Variants in PPM1L observed in about 807,000 individuals in gnomAD.
The protein encoded by PPM1L is protein phosphatase, Mg2+/Mn2+ dependent 1L, also known as protein phosphatase 1L.
Under a neutral mutation model 31.4 loss-of-function variants are expected in PPM1L, and 13 were observed. The observed-to-expected ratio is 0.41, with a 90% CI of 0.27 to 0.66. The LOEUF (loss-of-function observed/expected upper bound fraction) is 0.66. PPM1L is among the 30% of genes least tolerant of loss of function. The probability of loss-of-function intolerance (pLI) is 0.29; values close to 1 mark genes in which losing one functional copy is unlikely to be tolerated. For synonymous variants in PPM1L, 184 were observed against 175.4 expected (o/e 1.05, Z -0.39); for missense variants, 326 against 453.7 (o/e 0.72, Z 2.56).
At chr3:160,877,450 G>A (rs995325291) in intron 1 of PPM1L, among the ~76,000 whole-genome samples, 4 of 152,136 alleles carry the variant, frequency 2.6e-5, no homozygotes, top group Non-Finnish European at 5.9e-5. Context: ...GTTATGCCCA[G>A]CTCATAGAAA....
At position 161,057,887 on chromosome 3, in the gene PPM1L, A is replaced by T. The variant is rs1719458475; in HGVS notation, c.575-7516A>T. 2.0e-5 allele frequency among the ~76,000 whole-genome samples: 3 copies of T among 151,800 alleles called. No homozygotes were observed. The South Asian group carries it at 6.3e-4, about 32-fold the overall frequency. The stretch of plus-strand genomic sequence containing the variant: ...GTTTTAGAACCCAGGTTCCCATCAA[A>T]AGTAGCAGGGTAAATAGCTACTCCA... On this transcript the variant is annotated intron_variant, in intron 2 of 3. Transcript: ENST00000498165.
intron 1 of PPM1L, among the ~76,000 whole-genome samples, chr3:160,847,835 A>G (rs559582693): frequency 7.2e-5 from 11 of 152,274 alleles, no homozygotes; most frequent in South Asian, 2.1e-4. Context: ...CTTGCCTGGA[A>G]CACCACCATG....
intron 1 of PPM1L, among the ~76,000 whole-genome samples, chr3:160,799,020 A>C (rs1712345032): frequency 6.6e-6 from 1 of 152,208 alleles, no homozygotes; most frequent in Admixed American, 6.5e-5. Context: ...GTGGAGCCTG[A>C]ATTTCTGTAG....
At chr3:160,806,675 C>T (rs938315317) in intron 1 of PPM1L, among the ~76,000 whole-genome samples, 3 of 151,750 alleles carry the variant, frequency 2.0e-5, no homozygotes, top group Admixed American at 6.6e-5. Flanking sequence ...AGAGGCTGAG[C>T]GGGGAGGATT....
chr3:160,912,346 T>G (rs1714005714), intron 1 of PPM1L, among the ~76,000 whole-genome samples: 1 of 152,210 alleles, frequency 6.6e-6, no homozygotes, highest in Admixed American at 6.5e-5. Context: ...CTGTTGGTGT[T>G]GCATTTACAA....
chr3:160,873,540 AATTATT>A (rs60234661), intron 1 of PPM1L, among the ~76,000 whole-genome samples: 5 of 150,738 alleles, frequency 3.3e-5, no homozygotes, highest in South Asian at 2.1e-4. Context: ...GCTCTAGTAG[AATTATT>A]ATTATTATTA....
intron 1 of PPM1L, among the ~76,000 whole-genome samples, chr3:160,934,084 T>C (rs572887040): frequency 6.6e-6 from 1 of 152,348 alleles, no homozygotes; most frequent in African/African-American, 2.4e-5. Context: ...AGTTGACAAG[T>C]TGAAGATATG....
chr3:161,005,756 C>G (rs533603499), intron 2 of PPM1L, among the ~76,000 whole-genome samples: 2 of 152,198 alleles, frequency 1.3e-5, no homozygotes, highest in East Asian at 3.9e-4. Flanking sequence ...AGCTATTATT[C>G]TTTAGACTGG....
intron 2 of PPM1L, among the ~76,000 whole-genome samples, chr3:161,058,409 G>A (rs556812073): frequency 6.6e-6 from 1 of 152,092 alleles, no homozygotes; most frequent in African/African-American, 2.4e-5. Context: ...ACAGGCATGA[G>A]CCACCACACC....
At chr3:160,896,175 T>C (rs551577110) in intron 1 of PPM1L, among the ~76,000 whole-genome samples, 99 of 152,162 alleles carry the variant, frequency 6.5e-4, no homozygotes, top group Non-Finnish European at 7.5e-4. Context: ...TTCTTCCTTA[T>C]AATTTTACTT....
chr3:160,986,722 G>A (rs922922655), intron 2 of PPM1L, among the ~76,000 whole-genome samples: 3 of 152,136 alleles, frequency 2.0e-5, no homozygotes, highest in African/African-American at 7.2e-5. Context: ...GCATGGTTGA[G>A]CAAAACTTGG....
chr3:160,994,414 C>G (rs1717237231), intron 2 of PPM1L, among the ~76,000 whole-genome samples: 1 of 152,154 alleles, frequency 6.6e-6, no homozygotes, highest in South Asian at 2.1e-4. Context: ...AGCACCATTT[C>G]CCCAGTGATC....
chr3:160,853,402 A>G (rs917853936), intron 1 of PPM1L, among the ~76,000 whole-genome samples: 1 of 152,012 alleles, frequency 6.6e-6, no homozygotes, highest in African/African-American at 2.4e-5. Flanking sequence ...CTAAAATCCC[A>G]TGTAGATCTA....
intron 1 of PPM1L, among the ~76,000 whole-genome samples, chr3:160,858,155 G>A (rs1183476871): frequency 6.6e-6 from 1 of 152,140 alleles, no homozygotes; most frequent in Non-Finnish European, 1.5e-5. Flanking sequence ...ATGGAATCAG[G>A]CATATCTTTT....
intron 2 of PPM1L, among the ~76,000 whole-genome samples, chr3:160,975,562 G>A (rs1003922282): frequency 2.1e-4 from 32 of 152,122 alleles, no homozygotes; most frequent in African/African-American, 6.7e-4. Flanking sequence ...GCAGTGGTTT[G>A]TAGTTCTCCT....
At position 160,791,028 on chromosome 3, in the gene PPM1L, T is replaced by C. The variant is rs1454971037; in HGVS notation, c.399+34321T>C. Among the ~76,000 whole-genome samples, 7 of 152,028 alleles carry C rather than the reference T, an allele frequency of 4.6e-5. No individual in the cohort carries two copies. The East Asian group carries it at 1.3e-3, about 29-fold the overall frequency. ...TTAGTTTAAAGAGAGATCCAGAAGG[T>C]CTTTTGACTTGTAAACATTCTCACT... On this transcript the variant is annotated intron_variant, in intron 1 of 3. Transcript: ENST00000498165.
chr3:160,808,343 G>T (rs1712675146), intron 1 of PPM1L, among the ~76,000 whole-genome samples: 1 of 139,610 alleles, frequency 7.2e-6, no homozygotes, highest in African/African-American at 2.8e-5. Context: ...GGTGGGTGAG[G>T]GAAGCTGGGC....
At chr3:160,876,653 A>G (rs1712522598) in intron 1 of PPM1L, among the ~76,000 whole-genome samples, 2 of 152,174 alleles carry the variant, frequency 1.3e-5, no homozygotes, top group South Asian at 2.1e-4. Flanking sequence ...CTAGAAAACA[A>G]TGGGCCTCTG....
chr3:160,982,898 C>A (rs1268676308), intron 2 of PPM1L, among the ~76,000 whole-genome samples: 1 of 152,210 alleles, frequency 6.6e-6, no homozygotes. Flanking sequence ...TTCCTAGGGA[C>A]TGCTCCACTG....
Sources: allele counts gnomAD v4.1 joint callset (sites outside exome capture counted in the v4.1 genomes callset), GRCh38; gene constraint gnomAD v4.1.1; transcripts MANE v1.5; gene names NCBI Gene and HGNC (gene_info 2026-07-23, HGNC 2026-07-21).